Variants in CCBE1 observed in about 807,000 individuals in gnomAD.
The protein encoded by CCBE1 is collagen and calcium binding EGF domains 1, also known as collagen and calcium-binding EGF domain-containing protein 1.
In CCBE1, 37 loss-of-function variants were observed where a neutral mutation model predicts 50.0. The ratio of observed to expected loss-of-function variants is 0.74; its 90% confidence interval spans 0.57 to 0.97. The LOEUF is 0.97. Among genes scored for constraint, CCBE1 ranks in the 50% least tolerant of loss-of-function variants. The probability of loss-of-function intolerance (pLI) is 0.00; values close to 1 mark genes in which losing one functional copy is unlikely to be tolerated. For synonymous variants in CCBE1, 234 were observed against 203.7 expected, an observed-to-expected ratio of 1.15 and a Z score of -1.27; for missense variants, 538 against 523.8, an observed-to-expected ratio of 1.03 and a Z score of -0.26.
At position 59,601,892 on chromosome 18, in the gene CCBE1, T is replaced by A. The variant is rs139961657; in HGVS notation, c.212+94737A>T. ...TACACACCCTTCAACACCCTCCTTG[T>A]CACTATTAGTTTTTCCAAAAGATAT... On this transcript the variant is annotated intron_variant, in intron 2 of 10. Transcript: ENST00000439986. 3.7e-3 allele frequency among the ~76,000 whole-genome samples: 562 copies of A among 152,318 alleles called. 7 individuals carry two copies. Among genetic ancestry groups the A allele is most frequent in the East Asian group, 0.032 (166 of 5,190 alleles).
chr18:59,545,787 G>A (rs1245956380), intron 2 of CCBE1, among the ~76,000 whole-genome samples: 2 of 152,090 alleles, frequency 1.3e-5, no homozygotes, highest in Non-Finnish European at 2.9e-5. Context: ...TTTATCAGGG[G>A]GTTCCCCTTT....
chr18:59,569,088 C>T (rs1007690071), intron 2 of CCBE1, among the ~76,000 whole-genome samples: 9 of 152,194 alleles, frequency 5.9e-5, no homozygotes, highest in African/African-American at 9.7e-5. Flanking sequence ...AAACGATGTT[C>T]GATTCCACTC....
intron 10 of CCBE1, among the ~76,000 whole-genome samples, chr18:59,437,756 CAG>C (rs778957527): frequency 3.9e-5 from 6 of 152,142 alleles, no homozygotes; most frequent in Non-Finnish European, 8.8e-5. Context: ...CTCAAGTACG[CAG>C]AGTTATGATT....
At chr18:59,441,335 C>T (rs1442915424) in intron 7 of CCBE1, among the ~76,000 whole-genome samples, 2 of 151,386 alleles carry the variant, frequency 1.3e-5, no homozygotes, top group East Asian at 3.9e-4. Context: ...CATGGTGAAA[C>T]CCCATCTCTA....
intron 2 of CCBE1, among the ~76,000 whole-genome samples, chr18:59,508,598 C>CA (rs1401287697): frequency 4.4e-5 from 6 of 137,606 alleles, no homozygotes; most frequent in Admixed American, 1.5e-4. Context: ...CTCTGTCTCA[C>CA]AAAAAAAAGA....
At chr18:59,560,802 G>T (rs1466974687) in intron 2 of CCBE1, among the ~76,000 whole-genome samples, 1 of 152,148 alleles carries the variant, frequency 6.6e-6, no homozygotes, top group Non-Finnish European at 1.5e-5. Context: ...GTGTGTTGAT[G>T]GATAACGACT....
chr18:59,654,732 C>T (rs2054164471), intron 2 of CCBE1, among the ~76,000 whole-genome samples: 2 of 143,642 alleles, frequency 1.4e-5, no homozygotes, highest in African/African-American at 2.6e-5. Context: ...GTGGAAGTTG[C>T]AGTGAGCCAA....
intron 10 of CCBE1, among the ~76,000 whole-genome samples, chr18:59,437,185 T>C (rs778549682): frequency 3.3e-5 from 5 of 152,202 alleles, no homozygotes; most frequent in Non-Finnish European, 7.3e-5. Context: ...TAATTTCATA[T>C]AGCGCTGTGT....
intron 2 of CCBE1, among the ~76,000 whole-genome samples, chr18:59,573,312 T>C (rs993075914): frequency 1.8e-4 from 25 of 141,560 alleles, no homozygotes; most frequent in African/African-American, 6.5e-4. Context: ...TGTATGTATG[T>C]GATAGGCCTC....
chr18:59,566,501 G>T (rs1320990480), intron 2 of CCBE1, among the ~76,000 whole-genome samples: 2 of 152,154 alleles, frequency 1.3e-5, no homozygotes, highest in Non-Finnish European at 2.9e-5. Context: ...TGAAACAACT[G>T]TAACTTTAAA....
intron 1 of CCBE1, 60 bp from the exon 2 acceptor site, chr18:59,696,769 C>A (rs1000524130): frequency 6.4e-6 from 10 of 1,565,658 alleles, no homozygotes; most frequent in South Asian, 1.1e-5. Context: ...GCGGGCAGCG[C>A]GCGCTGGGGA....
At chr18:59,518,237 C>T (rs1179282957) in intron 2 of CCBE1, among the ~76,000 whole-genome samples, 1 of 152,184 alleles carries the variant, frequency 6.6e-6, no homozygotes. Context: ...TCCTGTAATC[C>T]CAACACTCTG....
chr18:59,639,478 T>C (rs888549349), intron 2 of CCBE1, among the ~76,000 whole-genome samples: 1 of 152,142 alleles, frequency 6.6e-6, no homozygotes, highest in Non-Finnish European at 1.5e-5. Context: ...AAATTAGGCA[T>C]TGAAGGAACG....
At chr18:59,467,943 G>C (rs1339711484) in intron 4 of CCBE1, among the ~76,000 whole-genome samples, 1 of 152,174 alleles carries the variant, frequency 6.6e-6, no homozygotes, top group Admixed American at 6.5e-5. Flanking sequence ...AATTCCTCAG[G>C]CTCACTGCCT....
At chr18:59,547,224 G>A (rs1915740095) in intron 2 of CCBE1, among the ~76,000 whole-genome samples, 1 of 152,076 alleles carries the variant, frequency 6.6e-6, no homozygotes, top group Non-Finnish European at 1.5e-5. Flanking sequence ...GGAGGCTAAG[G>A]CGGGCAGATC....
At chr18:59,611,168 G>T (rs75470276) in intron 2 of CCBE1, among the ~76,000 whole-genome samples, 39 of 152,374 alleles carry the variant, frequency 2.6e-4, no homozygotes, top group African/African-American at 9.4e-4. Context: ...GAGCAACGCA[G>T]TCTTAATATC....
chr18:59,661,236 T>C (rs1315489912), intron 2 of CCBE1, among the ~76,000 whole-genome samples: 1 of 152,154 alleles, frequency 6.6e-6, no homozygotes, highest in African/African-American at 2.4e-5. Flanking sequence ...AGGAGTTTGG[T>C]AATTTGTGCA....
At chr18:59,664,374 C>T (rs939831264) in intron 2 of CCBE1, among the ~76,000 whole-genome samples, 2 of 152,094 alleles carry the variant, frequency 1.3e-5, no homozygotes, top group Non-Finnish European at 2.9e-5. Flanking sequence ...AGAGAAAGGA[C>T]AGTCCATATG....
intron 2 of CCBE1, among the ~76,000 whole-genome samples, chr18:59,522,083 T>TAC (rs1000321007): frequency 3.3e-5 from 5 of 152,226 alleles, no homozygotes; most frequent in African/African-American, 1.2e-4. Flanking sequence ...ATTCATTGGC[T>TAC]ACATTATATT....
Sources: allele counts gnomAD v4.1 joint callset (sites outside exome capture counted in the v4.1 genomes callset), GRCh38; gene constraint gnomAD v4.1.1; transcripts MANE v1.5; gene names NCBI Gene and HGNC (gene_info 2026-07-23, HGNC 2026-07-21).